Variants in PDXDC1 observed in about 807,000 individuals in gnomAD.
The protein encoded by PDXDC1 is pyridoxal-dependent decarboxylase domain-containing protein 1.
Under a neutral mutation model 100.1 loss-of-function variants are expected in PDXDC1, and 42 were observed. That is an observed-to-expected ratio of 0.42 (90% CI 0.33 to 0.54). The LOEUF is 0.54. Ranked by LOEUF, PDXDC1 falls within the 20% of genes least tolerant of loss-of-function variation. PDXDC1 has a pLI of 0.10. For missense variants in PDXDC1, 636 were observed against 979.2 expected, an observed-to-expected ratio of 0.65 and a Z score of 4.68; for synonymous variants, 260 against 371.7, an observed-to-expected ratio of 0.70 and a Z score of 3.46.
At chr16:15,083,719 CTTTT>C (rs1198136425) in intron 16 of PDXDC1, 8 of 1,310,256 alleles carry the variant, frequency 6.1e-6, no homozygotes, top group Non-Finnish European at 8.3e-6. Flanking sequence ...AGAACTGGAA[CTTTT>C]TTTGTTTTTT....
At chr16:15,090,910 A>G (rs1259869927) in intron 16 of PDXDC1, among the ~76,000 whole-genome samples, 1 of 148,748 alleles carries the variant, frequency 6.7e-6, no homozygotes, top group Non-Finnish European at 1.5e-5. Context: ...AGCTTTAAAG[A>G]GACAAGAGAG....
chr16:15,114,445 AAAGGT>A (rs1166716241), intron 16 of PDXDC1: 1 of 1,596,982 alleles, frequency 6.3e-7, no homozygotes, highest in East Asian at 2.2e-5. Context: ...ATACTCACAC[AAAGGT>A]AAGTTGTGCA....
chr16:15,090,362 T>C (rs561691570), intron 16 of PDXDC1, among the ~76,000 whole-genome samples: 6 of 152,248 alleles, frequency 3.9e-5, no homozygotes, highest in Non-Finnish European at 8.8e-5. Context: ...TGACAATTAT[T>C]GCCCTTACTT....
intron 16 of PDXDC1, chr16:15,127,094 C>T: frequency 2.8e-6 from 1 of 355,560 alleles, no homozygotes; most frequent in Non-Finnish European, 5.5e-6. Context: ...GGCCCGGCCA[C>T]TGGGAGGTTT....
intron 16 of PDXDC1, among the ~76,000 whole-genome samples, chr16:15,046,853 C>T (rs796786580): frequency 5.3e-5 from 8 of 152,044 alleles, no homozygotes; most frequent in Admixed American, 1.3e-4. Context: ...CCAGACAGGG[C>T]GACACAGCAA....
chr16:15,047,230 C>A, intron 16 of PDXDC1: 1 of 546,380 alleles, frequency 1.8e-6, no homozygotes. Flanking sequence ...CATCTCAAAT[C>A]CAGCACAGAC....
chr16:15,134,046 T>C (rs1043436149), intron 16 of PDXDC1: 13 of 1,567,918 alleles, frequency 8.3e-6, no homozygotes, highest in African/African-American at 1.4e-5. Flanking sequence ...CACCAGTGTC[T>C]TGTTGCTGAA....
At chr16:15,014,747 G>A (rs1221646325) in intron 8 of PDXDC1, among the ~76,000 whole-genome samples, 2 of 152,276 alleles carry the variant, frequency 1.3e-5, no homozygotes, top group Non-Finnish European at 2.9e-5. Context: ...AATTTAGGAC[G>A]GTTGGGGGAA....
chr16:15,063,928 A>T (rs1158696187), intron 16 of PDXDC1, among the ~76,000 whole-genome samples: 1 of 152,148 alleles, frequency 6.6e-6, no homozygotes, highest in African/African-American at 2.4e-5. Flanking sequence ...TGAAACCGTA[A>T]TATTCTGGAA....
intron 1 of PDXDC1, among the ~76,000 whole-genome samples, chr16:14,978,217 G>C (rs530101998): frequency 7.9e-5 from 12 of 152,396 alleles, no homozygotes; most frequent in African/African-American, 2.9e-4. Context: ...GTAGGAGTAG[G>C]GGCTTTGCCC....
At chr16:15,071,305 G>A in intron 16 of PDXDC1, 2 of 1,514,910 alleles carry the variant, frequency 1.3e-6, no homozygotes, top group Non-Finnish European at 1.8e-6. Flanking sequence ...AGATAATCTG[G>A]CTATCAAAAT....
At chr16:15,008,212 AT>A (rs1321680863) in intron 6 of PDXDC1, among the ~76,000 whole-genome samples, 1 of 152,300 alleles carries the variant, frequency 6.6e-6, no homozygotes, top group African/African-American at 2.4e-5. Context: ...ACTGTTTACA[AT>A]TCCTAAAACT....
chr16:15,107,322 GA>G, intron 16 of PDXDC1: 1 of 418,168 alleles, frequency 2.4e-6, no homozygotes, highest in Non-Finnish European at 4.1e-6. Context: ...TTCAGTTTCT[GA>G]ACTCACATGT....
At chr16:15,140,462 A>G (rs560802407), downstream of PDXDC1, among the ~76,000 whole-genome samples, 17 of 151,644 alleles carry the variant, frequency 1.1e-4, no homozygotes, top group East Asian at 3.9e-4. Flanking sequence ...AAAAAAAAAA[A>G]AAAAAGAAAA....
intron 16 of PDXDC1, chr16:15,131,033 T>C (rs1480480909): frequency 4.9e-6 from 7 of 1,425,916 alleles, no homozygotes; most frequent in African/African-American, 2.8e-5. Context: ...GAGAAACGCC[T>C]TCCCCCCAAG....
the PDXDC1 span, among the ~76,000 whole-genome samples, chr16:15,149,653 T>C: frequency 1.3e-5 from 2 of 152,356 alleles, no homozygotes; most frequent in East Asian, 1.9e-4. Context: ...GGCAAGGCCC[T>C]GGGTGCTCCT....
chr16:14,980,319 G>A (rs376153531), intron 1 of PDXDC1, among the ~76,000 whole-genome samples: 36 of 151,940 alleles, frequency 2.4e-4, no homozygotes, highest in African/African-American at 8.2e-4. Flanking sequence ...TTTTTGAGAC[G>A]GAATCTTGCT....
chr16:15,047,352 C>T (rs1303570408), intron 16 of PDXDC1: 2 of 849,502 alleles, frequency 2.4e-6, no homozygotes, highest in Non-Finnish European at 4.0e-6. Context: ...GTGGTGGCAT[C>T]CTGTGTTCCC....
intron 6 of PDXDC1, among the ~76,000 whole-genome samples, chr16:15,007,358 T>C (rs549632528): frequency 2.6e-4 from 40 of 152,328 alleles, no homozygotes; most frequent in Non-Finnish European, 5.3e-4. Context: ...TTTTTTTTAG[T>C]AGAGATGGGG....
Sources: gnomAD v4.1 joint callset for allele counts (sites outside exome capture counted in the v4.1 genomes callset) on GRCh38, gnomAD v4.1.1 for gene constraint, MANE v1.5 for transcripts, NCBI Gene and HGNC (gene_info 2026-07-23, HGNC 2026-07-21) for gene names.